The following RALGPS1 variants were observed in gnomAD, a reference collection of about 807,000 sequenced individuals.
The protein encoded by RALGPS1 is Ral GEF with PH domain and SH3 binding motif 1.
In RALGPS1, 19 loss-of-function variants were observed where a neutral mutation model predicts 78.8. The observed-to-expected ratio is 0.24, with a 90% confidence interval of 0.17 to 0.35. RALGPS1 has a LOEUF of 0.35. Among genes scored for constraint, RALGPS1 ranks in the 10% least tolerant of loss-of-function variants. The pLI, the probability that RALGPS1 is intolerant of heterozygous loss-of-function variation, is 1.00. For missense variants in RALGPS1, 454 were observed against 688.3 expected (o/e 0.66, Z 3.81); for synonymous variants, 228 against 256.3 (o/e 0.89, Z 1.06).
chr9:126,990,731 G>T (rs55646869), intron 4 of RALGPS1, among the ~76,000 whole-genome samples: 2 of 152,000 alleles, frequency 1.3e-5, no homozygotes, highest in African/African-American at 4.8e-5. Flanking sequence ...TTGCACCCTC[G>T]TACTGAAATA....
At chr9:127,059,712 C>T (rs1207263666) in intron 7 of RALGPS1, among the ~76,000 whole-genome samples, 2 of 151,996 alleles carry the variant, frequency 1.3e-5, no homozygotes, top group Non-Finnish European at 2.9e-5. Context: ...CCCTAGAACC[C>T]TGTTCCAGCT....
At chr9:127,189,424 G>C (rs931447756) in intron 11 of RALGPS1, among the ~76,000 whole-genome samples, 4 of 152,154 alleles carry the variant, frequency 2.6e-5, no homozygotes, top group Non-Finnish European at 5.9e-5. Context: ...GGTGATCCCA[G>C]GTGTCTGCTC....
At chr9:127,060,050 T>A (rs113807786) in intron 7 of RALGPS1, among the ~76,000 whole-genome samples, 1 of 152,148 alleles carries the variant, frequency 6.6e-6, no homozygotes, top group African/African-American at 2.4e-5. Context: ...TGAGCAGAGT[T>A]CAGAGAAACT....
rs564509429 is a variant in RALGPS1 at position 127,217,142 on chromosome 9, G to A, written c.1645-1598G>A. On this transcript the variant is annotated intron_variant, in intron 18 of 18. Transcript: ENST00000259351. ...TGCCTGGGCAGGCTGATCCAGCAGA[G>A]CACTAATGGGTCAGTTTCATGTATT... is the stretch of plus-strand genomic sequence containing the variant. 12 of 1,296,810 alleles carry A rather than the reference G, an allele frequency of 9.3e-6. No individual in the cohort carries two copies. The African/African-American group carries it at 1.5e-4, about 16-fold the overall frequency. The allele number at this position is 1,296,810 out of a possible 1,614,324, so 80.3% of individuals were successfully genotyped here.
chr9:127,196,653 A>G (rs373890546), intron 13 of RALGPS1, 22 bp downstream of exon 13: 12 of 1,563,042 alleles, frequency 7.7e-6, no homozygotes, highest in Middle Eastern at 1.7e-4. Flanking sequence ...CGGCCTGCAC[A>G]TGATAGGCTG....
chr9:126,915,804 G>A (rs1340457991), intron 1 of RALGPS1, among the ~76,000 whole-genome samples: 1 of 152,032 alleles, frequency 6.6e-6, no homozygotes, highest in African/African-American at 2.4e-5. Context: ...GTTGTCATTG[G>A]ATGATCGGTT....
At chr9:127,186,312 C>T (rs778553812) in intron 11 of RALGPS1, among the ~76,000 whole-genome samples, 1 of 152,196 alleles carries the variant, frequency 6.6e-6, no homozygotes, top group Non-Finnish European at 1.5e-5. Flanking sequence ...ATGGAGCAAT[C>T]CTCTGAGATA....
intron 8 of RALGPS1, among the ~76,000 whole-genome samples, chr9:127,075,525 G>A (rs964458289): frequency 1.3e-5 from 2 of 152,232 alleles, no homozygotes; most frequent in African/African-American, 4.8e-5. Context: ...CTGTCCCAGG[G>A]ACAGATTTGT....
intron 12 of RALGPS1, 66 bp from the exon 13 acceptor site, chr9:127,196,408 C>G: frequency 6.6e-7 from 1 of 1,526,312 alleles, no homozygotes; most frequent in East Asian, 2.3e-5. Context: ...CGGCCCCAGG[C>G]AGGTGTAACC....
At chr9:126,994,119 G>A (rs1290124245) in intron 4 of RALGPS1, among the ~76,000 whole-genome samples, 4 of 152,158 alleles carry the variant, frequency 2.6e-5, no homozygotes, top group African/African-American at 4.8e-5. Context: ...AAAAATCAGA[G>A]CACCTCTCCT....
chr9:127,134,016 G>T (rs1381568775), intron 8 of RALGPS1, among the ~76,000 whole-genome samples: 2 of 125,656 alleles, frequency 1.6e-5, no homozygotes, highest in African/African-American at 5.3e-5. Flanking sequence ...TCCCCCCCCC[G>T]TGAATGCTGT....
chr9:126,973,034 C>T (rs559969179), intron 3 of RALGPS1, among the ~76,000 whole-genome samples: 2 of 151,512 alleles, frequency 1.3e-5, no homozygotes, highest in South Asian at 4.2e-4. Flanking sequence ...TGCACTCCAA[C>T]CTGGGCGACA....
At chr9:127,054,930 A>G (rs934877113) in intron 7 of RALGPS1, among the ~76,000 whole-genome samples, 8 of 151,782 alleles carry the variant, frequency 5.3e-5, no homozygotes, top group African/African-American at 1.9e-4. Flanking sequence ...GTGAACTATG[A>G]TTATGCCACT....
chr9:127,088,875 G>A, intron 8 of RALGPS1: 11 of 1,586,992 alleles, frequency 6.9e-6, no homozygotes, highest in Non-Finnish European at 7.8e-6. Flanking sequence ...TCTTTGTGCT[G>A]TGGCCAGCGT....
intron 14 of RALGPS1, among the ~76,000 whole-genome samples, chr9:127,208,343 C>T (rs1380216566): frequency 6.6e-6 from 1 of 152,160 alleles, no homozygotes; most frequent in Non-Finnish European, 1.5e-5. Context: ...CAGAAAGGGC[C>T]CCCACAGTGG....
chr9:127,215,554 C>T (rs1038965670), intron 18 of RALGPS1, among the ~76,000 whole-genome samples: 2 of 152,202 alleles, frequency 1.3e-5, no homozygotes, highest in African/African-American at 4.8e-5. Flanking sequence ...ATTTAAGGTC[C>T]CACATTAGTG....
At chr9:126,999,747 C>T (rs2043117299) in intron 4 of RALGPS1, among the ~76,000 whole-genome samples, 1 of 152,178 alleles carries the variant, frequency 6.6e-6, no homozygotes, top group Non-Finnish European at 1.5e-5. Flanking sequence ...TTGATTGCTT[C>T]AAAGTTTCGG....
chr9:127,184,984 C>T (rs1054348463), intron 11 of RALGPS1, among the ~76,000 whole-genome samples: 1 of 152,216 alleles, frequency 6.6e-6, no homozygotes, highest in Non-Finnish European at 1.5e-5. Flanking sequence ...AACGAGGCTT[C>T]CCATCCCAAA....
chr9:127,059,893 C>T (rs1292775557), intron 7 of RALGPS1, among the ~76,000 whole-genome samples: 1 of 152,038 alleles, frequency 6.6e-6, no homozygotes, highest in Non-Finnish European at 1.5e-5. Context: ...TAAGCCTCTC[C>T]CTCCCAGTCT....
Sources: allele counts gnomAD v4.1 joint callset (sites outside exome capture counted in the v4.1 genomes callset), GRCh38; gene constraint gnomAD v4.1.1; transcripts MANE v1.5; gene names NCBI Gene and HGNC (gene_info 2026-07-23, HGNC 2026-07-21).